Variants in LY96 observed in about 807,000 individuals in gnomAD.
LY96 encodes myeloid differentiation protein-2.
Under a neutral mutation model 18.9 loss-of-function variants are expected in LY96, and 18 were observed. The ratio of observed to expected loss-of-function variants is 0.95; its 90% CI spans 0.66 to 1.41. The LOEUF is 1.41. Among genes scored for constraint, LY96 ranks in the 40% most tolerant of loss-of-function variants. LY96 has a pLI of 0.00. For missense variants in LY96, 175 were observed against 182.4 expected (o/e 0.96, Z 0.23); for synonymous variants, 66 against 62.6 (o/e 1.06, Z -0.26).
chr8:74,022,938 C>T (rs1035441326), intron 3 of LY96, among the ~76,000 whole-genome samples: 3 of 152,150 alleles, frequency 2.0e-5, no homozygotes, highest in Non-Finnish European at 4.4e-5. Context: ...TCCTCCCCTG[C>T]CCCTTACACA....
chr8:74,081,063 TC>T, the LY96 span, among the ~76,000 whole-genome samples: 1 of 127,546 alleles, frequency 7.8e-6, no homozygotes, highest in African/African-American at 3.9e-5. Flanking sequence ...TTTCTTTCTT[TC>T]TTACTTTCTT....
At chr8:73,991,666 G>C in intron 1 of LY96, 112 bp downstream of exon 1, 2 of 714,138 alleles carry the variant, frequency 2.8e-6, no homozygotes, top group East Asian at 2.7e-5. Flanking sequence ...GTGTGTTCCA[G>C]CTGCTGTGGC....
At chr8:74,041,049 C>T in the LY96 span, among the ~76,000 whole-genome samples, 17 of 152,002 alleles carry the variant, frequency 1.1e-4, no homozygotes, top group African/African-American at 2.2e-4. Flanking sequence ...GGACCCCAAA[C>T]GGAGGGATCA....
chr8:74,005,389 G>T (rs779425918), intron 2 of LY96, among the ~76,000 whole-genome samples: 2 of 152,162 alleles, frequency 1.3e-5, no homozygotes, highest in Non-Finnish European at 2.9e-5. Flanking sequence ...TGTTCTATTG[G>T]TTAGAAGCAA....
chr8:74,023,375 C>T (rs1293990542), intron 3 of LY96, among the ~76,000 whole-genome samples: 1 of 152,194 alleles, frequency 6.6e-6, no homozygotes, highest in Non-Finnish European at 1.5e-5. Flanking sequence ...TGCCCCACCC[C>T]GAAACAGGTA....
the LY96 span, among the ~76,000 whole-genome samples, chr8:74,043,220 A>G: frequency 2.6e-5 from 4 of 152,172 alleles, no homozygotes; most frequent in African/African-American, 7.2e-5. Context: ...AAATAAGTCT[A>G]CAGGGCAATA....
At chr8:74,089,783 A>G in the LY96 span, among the ~76,000 whole-genome samples, 1 of 152,014 alleles carries the variant, frequency 6.6e-6, no homozygotes, top group Non-Finnish European at 1.5e-5. Context: ...CATCGTAAGG[A>G]GTGCTGTTAT....
At chr8:74,070,738 A>T in the LY96 span, among the ~76,000 whole-genome samples, 4,633 of 151,714 alleles carry the variant, frequency 0.031, 159 homozygotes, top group African/African-American at 0.09. Flanking sequence ...TTGCTTTTTT[A>T]AAAAAAAATT....
intron 1 of LY96, among the ~76,000 whole-genome samples, chr8:73,995,355 A>T (rs917128573): frequency 6.6e-6 from 1 of 152,226 alleles, no homozygotes; most frequent in Non-Finnish European, 1.5e-5. Context: ...GTGTCCTCAC[A>T]TGGCCTTTCC....
the LY96 span, among the ~76,000 whole-genome samples, chr8:74,045,673 G>T: frequency 2.0e-5 from 3 of 152,136 alleles, no homozygotes; most frequent in Admixed American, 2.0e-4. Flanking sequence ...TAGTAGCAGT[G>T]GGGCCCCATT....
chr8:74,089,248 A>G, the LY96 span, among the ~76,000 whole-genome samples: 27 of 152,176 alleles, frequency 1.8e-4, no homozygotes, highest in Non-Finnish European at 2.8e-4. Context: ...TCAGTGTGCT[A>G]TTTACTCACA....
intron 1 of LY96, 48 bp from the exon 2 acceptor site, chr8:74,004,748 T>G: frequency 5.4e-6 from 8 of 1,473,314 alleles, no homozygotes; most frequent in Non-Finnish European, 7.5e-6. Context: ...CTATACTTAA[T>G]GGAGATGATT....
chr8:73,996,372 C>CCTTCCTTCCTTCCTTCCTTT (rs1816135382), intron 1 of LY96, among the ~76,000 whole-genome samples: 13 of 111,000 alleles, frequency 1.2e-4, no homozygotes, highest in Non-Finnish European at 2.2e-4. Context: ...TTCCTTCATT[C>CCTTCCTTCCTTCCTTCCTTT]CTTTCTTTCT....
the LY96 span, among the ~76,000 whole-genome samples, chr8:74,035,400 A>G: frequency 6.6e-6 from 1 of 152,084 alleles, no homozygotes; most frequent in Non-Finnish European, 1.5e-5. Context: ...TGGCAATGTT[A>G]TGGGGCAAAA....
rs1329381736 is a variant in LY96 at position 73,991,493 on chromosome 8, A to G, written c.51A>G (p.Glu17=). ...FSTLFSSIFT[E]AQKQYWVCNS... Reference sequence around the variant, plus strand: ...CCCTGTTTTCTTCCATATTTACTGAAGCTCAGAAGCAGTATTGGGTCTGCA... The same window carrying G: ...CCCTGTTTTCTTCCATATTTACTGAGGCTCAGAAGCAGTATTGGGTCTGCA... Residue 17 remains glutamate, a synonymous_variant, in exon 1 of 5, where the codon GAA becomes GAG. Transcript: ENST00000284818. 1.2e-6 allele frequency: 2 copies of G among 1,613,644 alleles called. No homozygotes were observed. Among genetic ancestry groups the G allele is most frequent in the Non-Finnish European group, 8.5e-7 (1 of 1,179,602 alleles).
intron 1 of LY96, among the ~76,000 whole-genome samples, chr8:73,994,988 T>G (rs1248425900): frequency 6.6e-6 from 1 of 152,214 alleles, no homozygotes; most frequent in East Asian, 1.9e-4. Flanking sequence ...ATGTTGAAAT[T>G]TAATTGCCAT....
chr8:73,992,776 A>G (rs960530656), intron 1 of LY96, among the ~76,000 whole-genome samples: 1 of 150,662 alleles, frequency 6.6e-6, no homozygotes, highest in African/African-American at 2.5e-5. Context: ...CTCCTACTCT[A>G]CTTGGCCCCC....
chr8:74,085,399 G>A, the LY96 span, among the ~76,000 whole-genome samples: 2 of 152,142 alleles, frequency 1.3e-5, no homozygotes, highest in Non-Finnish European at 2.9e-5. Flanking sequence ...AGGCTTTAGG[G>A]GAGAGGATGG....
At chr8:73,994,946 C>G (rs562396459) in intron 1 of LY96, among the ~76,000 whole-genome samples, 43 of 152,262 alleles carry the variant, frequency 2.8e-4, no homozygotes, top group African/African-American at 9.6e-4. Context: ...TGGCTTACTG[C>G]TGTGTTTTGA....
Sources: gnomAD v4.1 joint callset for allele counts (sites outside exome capture counted in the v4.1 genomes callset) on GRCh38, gnomAD v4.1.1 for gene constraint, MANE v1.5 for transcripts, NCBI Gene and HGNC (gene_info 2026-07-23, HGNC 2026-07-21) for gene names.